TMEM232: variants seen among roughly 807,000 people sequenced by gnomAD.
The protein encoded by TMEM232 is transmembrane protein 232.
TMEM232 carries 80 observed loss-of-function variants against 78.8 expected under a neutral mutation model. The observed-to-expected ratio is 1.01, with a 90% CI of 0.85 to 1.22. TMEM232 has a LOEUF of 1.22. TMEM232 is among the 50% of genes most tolerant of loss of function. The pLI is 0.00. For synonymous variants in TMEM232, 297 were observed against 254.3 expected (o/e 1.17, Z -1.60); for missense variants, 881 against 742.2 (o/e 1.19, Z -2.17).
intron 12 of TMEM232, among the ~76,000 whole-genome samples, chr5:110,451,231 A>ATGCT (rs2067354): frequency 0.32 from 48,372 of 151,846 alleles, 13,397 homozygotes; most frequent in African/African-American, 0.75. Flanking sequence ...TGTAATTCAT[A>ATGCT]TTTTGTTTGT....
At chr5:110,717,787 CTT>C (rs1387189522) in intron 1 of TMEM232, among the ~76,000 whole-genome samples, 1 of 152,110 alleles carries the variant, frequency 6.6e-6, no homozygotes, top group African/African-American at 2.4e-5. Flanking sequence ...ACTCCTCACT[CTT>C]CTCTCTCCTG....
chr5:110,718,564 C>CT (rs1431681151), intron 1 of TMEM232, among the ~76,000 whole-genome samples: 6 of 152,082 alleles, frequency 3.9e-5, no homozygotes, highest in Non-Finnish European at 5.9e-5. Context: ...TATGAAACGT[C>CT]TGAGAGTGGA....
chr5:110,495,826 TTAA>T (rs1181786290), intron 12 of TMEM232, among the ~76,000 whole-genome samples: 2 of 151,616 alleles, frequency 1.3e-5, no homozygotes, highest in African/African-American at 4.8e-5. Flanking sequence ...TGGTTTTTTT[TTAA>T]TAATGATAAT....
chr5:110,607,379 T>C (rs1454907816), intron 8 of TMEM232, among the ~76,000 whole-genome samples: 6 of 151,960 alleles, frequency 3.9e-5, no homozygotes, highest in African/African-American at 1.2e-4. Flanking sequence ...TCTAAACCAT[T>C]ACATAAATGT....
At chr5:110,442,837 G>A (rs1759216613) in intron 12 of TMEM232, among the ~76,000 whole-genome samples, 1 of 152,130 alleles carries the variant, frequency 6.6e-6, no homozygotes, top group East Asian at 1.9e-4. Context: ...TTCTAGACCT[G>A]TAAAAGCACC....
At chr5:110,613,640 A>C (rs1167956231) in intron 8 of TMEM232, among the ~76,000 whole-genome samples, 1 of 152,154 alleles carries the variant, frequency 6.6e-6, no homozygotes, top group Non-Finnish European at 1.5e-5. Context: ...ATGCATCATC[A>C]GGGCCTGGTG....
chr5:110,525,381 C>T (rs575768127), intron 12 of TMEM232, among the ~76,000 whole-genome samples: 5 of 151,952 alleles, frequency 3.3e-5, no homozygotes, highest in African/African-American at 9.6e-5. Context: ...CCACAGAAAG[C>T]AATAGCTTTG....
At chr5:110,562,965 T>C (rs986844588) in intron 11 of TMEM232, among the ~76,000 whole-genome samples, 20 of 152,176 alleles carry the variant, frequency 1.3e-4, no homozygotes, top group African/African-American at 4.3e-4. Flanking sequence ...AAAATAGATA[T>C]AGAGTTAACT....
intron 2 of TMEM232, among the ~76,000 whole-genome samples, chr5:110,654,830 G>C (rs1788811271): frequency 6.6e-6 from 1 of 152,144 alleles, no homozygotes; most frequent in African/African-American, 2.4e-5. Context: ...TCATTGAGCA[G>C]CGGTTTGTAG....
chr5:110,725,249 TAAGATTTCTCAGTGTTAATATTCTC>T (rs941114507), intron 1 of TMEM232, among the ~76,000 whole-genome samples: 1 of 152,232 alleles, frequency 6.6e-6, no homozygotes, highest in Non-Finnish European at 1.5e-5. Flanking sequence ...TTGCATATAC[TAAGATTTCTCAGTGTTAATATTCTC>T]ATATATACTC....
At chr5:110,640,798 G>C in intron 4 of TMEM232, 93 bp downstream of exon 4, 2 of 845,100 alleles carry the variant, frequency 2.4e-6, no homozygotes, top group Non-Finnish European at 3.4e-6. Context: ...CTTGTCTTCT[G>C]CACAATTTTT....
chr5:110,388,625 T>C (rs1755066240), intron 4 of TMEM232, among the ~76,000 whole-genome samples: 1 of 152,118 alleles, frequency 6.6e-6, no homozygotes, highest in Non-Finnish European at 1.5e-5. Flanking sequence ...TGCTACATCT[T>C]TCAATCACAT....
At chr5:110,630,021 C>T (rs895693849) in intron 5 of TMEM232, among the ~76,000 whole-genome samples, 1 of 152,098 alleles carries the variant, frequency 6.6e-6, no homozygotes, top group Admixed American at 6.6e-5. Context: ...TTTGATAATA[C>T]CCTTTAATAA....
intron 11 of TMEM232, among the ~76,000 whole-genome samples, chr5:110,533,025 C>T (rs985477039): frequency 2.6e-5 from 4 of 152,148 alleles, no homozygotes; most frequent in Admixed American, 6.6e-5. Flanking sequence ...CTGTGGTGCC[C>T]AACCCGTACA....
At chr5:110,714,062 G>A (rs1327025427) in intron 1 of TMEM232, among the ~76,000 whole-genome samples, 1 of 152,074 alleles carries the variant, frequency 6.6e-6, no homozygotes, top group African/African-American at 2.4e-5. Context: ...ACTTTCTAAG[G>A]ACAGAGAGTG....
In TMEM232 at chr5:110,400,208, G is replaced by A. The variant is rs923193749; in HGVS notation, n.309-2354C>T. Among the ~76,000 whole-genome samples the A allele has an allele frequency of 1.3e-4, 20 of 152,074 alleles. 1 individual carries two copies. The highest frequency in any genetic ancestry group is 5.9e-4 in the Admixed American group (9 of 15,244). ...AGCTAAGTGAAAAATGCACAATTTA[G>A]AATCTAGCAGAACTAAAATTCTGAC... On this transcript the variant is annotated intron_variant and non_coding_transcript_variant, in intron 2 of 8. Coordinates refer to the TMEM232 transcript ENST00000507188.
At chr5:110,528,894 T>G in intron 11 of TMEM232, 59 bp from the exon 12 acceptor site, 1 of 1,227,160 alleles carries the variant, frequency 8.1e-7, no homozygotes, top group Non-Finnish European at 1.0e-6. Context: ...AGAAAAAAAA[T>G]CGTGTATTAT....
intron 12 of TMEM232, among the ~76,000 whole-genome samples, chr5:110,441,060 C>T (rs1027328061): frequency 1.3e-5 from 2 of 152,074 alleles, no homozygotes; most frequent in African/African-American, 4.8e-5. Context: ...CTCCTAACTG[C>T]TTTGACGCAG....
chr5:110,449,391 G>A (rs919165129), intron 12 of TMEM232, among the ~76,000 whole-genome samples: 1 of 151,990 alleles, frequency 6.6e-6, no homozygotes, highest in Non-Finnish European at 1.5e-5. Flanking sequence ...ATGAATGAAA[G>A]AAAACCATCT....
Sources: allele counts gnomAD v4.1 joint callset (sites outside exome capture counted in the v4.1 genomes callset), GRCh38; gene constraint gnomAD v4.1.1; transcripts MANE v1.5; gene names NCBI Gene and HGNC (gene_info 2026-07-23, HGNC 2026-07-21).